The following CSPP1 variants were observed in gnomAD, a reference collection of about 807,000 sequenced individuals.
CSPP1 encodes the protein centrosome and spindle pole-associated protein 1.
In CSPP1, 126 loss-of-function variants were observed where a neutral mutation model predicts 164.4. The observed-to-expected ratio is 0.77, with a 90% CI of 0.66 to 0.89. CSPP1 has a LOEUF of 0.89. Among genes scored for constraint, CSPP1 ranks in the 40% least tolerant of loss-of-function variants. CSPP1 has a pLI of 0.00. For missense variants in CSPP1, 1,395 were observed against 1,449.8 expected (o/e 0.96, Z 0.61); for synonymous variants, 472 against 476.7 (o/e 0.99, Z 0.13).
chr8:67,131,211 G>A (rs1401312175), intron 15 of CSPP1, among the ~76,000 whole-genome samples: 5 of 152,028 alleles, frequency 3.3e-5, no homozygotes, highest in Non-Finnish European at 5.9e-5. Context: ...CCTGGGCAAC[G>A]TAGAAAGACT....
intron 3 of CSPP1, among the ~76,000 whole-genome samples, chr8:67,077,274 C>T (rs1375786159): frequency 6.6e-6 from 1 of 151,960 alleles, no homozygotes; most frequent in Middle Eastern, 3.2e-3. Context: ...CTGCCTTGGC[C>T]TCCCAAAGTA....
At chr8:67,107,052 T>G (rs184260676) in intron 9 of CSPP1, among the ~76,000 whole-genome samples, 89 of 152,136 alleles carry the variant, frequency 5.9e-4, no homozygotes, top group Middle Eastern at 6.8e-3. Context: ...GTTTTGTTTT[T>G]TTTTTTTAAT....
At position 67,098,292 on chromosome 8, in the gene CSPP1, C is replaced by CT. The variant is rs201067321; in HGVS notation, c.923+2574dup. 7.5e-3 allele frequency among the ~76,000 whole-genome samples: 1,002 copies of CT among 134,150 alleles called. 12 individuals are homozygous for CT. The highest frequency in any genetic ancestry group is 0.024 in the African/African-American group (882 of 36,940). 88.0% of individuals were successfully genotyped at this position (134,150 alleles called of 152,430 possible). A position where few individuals can be genotyped will look rare whatever the true frequency, so the allele number is the denominator to read the frequency against. ...TTCATTCTTCTAAGTTTTCTTTGGT[C>CT]TTTTTTTTTTTTTTCCTTTCCTAAA... On this transcript the variant is annotated intron_variant, in intron 7 of 30. Coordinates refer to ENST00000678616, the MANE Select transcript of CSPP1 (RefSeq NM_001382391.1).
At chr8:67,192,627 A>C (rs1836690222) in intron 29 of CSPP1, among the ~76,000 whole-genome samples, 1 of 152,072 alleles carries the variant, frequency 6.6e-6, no homozygotes, top group African/African-American at 2.4e-5. Context: ...ATGAAGATTT[A>C]CTTGTTTTCT....
In CSPP1 at chr8:67,111,993, T is replaced by C. The variant is rs1445583372; in HGVS notation, c.1115T>C (p.Ile372Thr). The C allele has an allele frequency of 3.1e-6, 5 of 1,610,438 alleles. No homozygotes were observed. Among genetic ancestry groups the C allele is most frequent in the Admixed American group, 1.7e-5 (1 of 59,560 alleles). The change falls in exon 10 of 31, where the codon ATT becomes ACT. Residue 372 changes from isoleucine to threonine, a missense_variant. Physicochemically the swap from Ile to Thr is moderately conservative, Grantham distance 89. Coordinates refer to ENST00000678616, the MANE Select transcript of CSPP1 (RefSeq NM_001382391.1). ...MLFGGEDREL[I>T]QRRKEKYRLE... ...CTAGGAGGTGAAGATCGAGAACTTA[T>C]TCAGAGAAGGAAAGAGAAATACAGA...
At chr8:67,159,173 G>C in intron 21 of CSPP1, 36 bp downstream of exon 21, 2 of 1,566,460 alleles carry the variant, frequency 1.3e-6, no homozygotes, top group Non-Finnish European at 1.7e-6. Flanking sequence ...CAAACCCATA[G>C]TTTAACTCAC....
At chr8:67,181,813 A>G (rs1341611365) in intron 28 of CSPP1, among the ~76,000 whole-genome samples, 1 of 152,128 alleles carries the variant, frequency 6.6e-6, no homozygotes. Flanking sequence ...CTTCATATGA[A>G]ACAGTAATTC....
chr8:67,159,902 T>C (rs1411342389), intron 21 of CSPP1, among the ~76,000 whole-genome samples: 8 of 69,582 alleles, frequency 1.1e-4, no homozygotes, highest in Non-Finnish European at 1.6e-4. Context: ...CTTTCTTTCT[T>C]TCTTTCTTTC....
chr8:67,182,553 G>A (rs754508971), intron 28 of CSPP1, among the ~76,000 whole-genome samples: 1 of 152,190 alleles, frequency 6.6e-6, no homozygotes, highest in Non-Finnish European at 1.5e-5. Flanking sequence ...ATTATTTGAA[G>A]ACTCACCACA....
rs761971816 is a variant in CSPP1 at position 67,172,473 on chromosome 8, T to A, written c.2886T>A (p.Ala962=). The A allele has an allele frequency of 4.6e-5, 75 of 1,613,184 alleles. No individual in the cohort carries two copies. Among genetic ancestry groups the A allele is most frequent in the Non-Finnish European group, 6.2e-5 (73 of 1,179,270 alleles). ...ATATGGCTAGACATCGGTTGCAAGC[T>A]CCTGTCAGAAGACAGTCCCCTAAGG... is the stretch of plus-strand genomic sequence containing the variant. The part of the protein sequence containing the change: ...IFDMARHRLQ[A]PVRRQSPKGL... Residue 962 remains alanine, a synonymous_variant, in exon 25 of 31, where the codon GCT becomes GCA. Coordinates refer to ENST00000678616, the MANE Select transcript of CSPP1 (RefSeq NM_001382391.1).
intron 16 of CSPP1, chr8:67,134,252 C>T (rs550467323): frequency 3.0e-4 from 45 of 152,288 alleles, no homozygotes; most frequent in African/African-American, 9.4e-4. Flanking sequence ...CTTTATGAAA[C>T]GTATTTCCTG....
At chr8:67,073,802 G>A (rs1164519383) in intron 1 of CSPP1, among the ~76,000 whole-genome samples, 1 of 152,134 alleles carries the variant, frequency 6.6e-6, no homozygotes, top group African/African-American at 2.4e-5. Context: ...ACAAGCAAAG[G>A]ATGAAGCAAG....
intron 5 of CSPP1, among the ~76,000 whole-genome samples, chr8:67,092,343 CCT>C (rs1261204394): frequency 6.6e-6 from 1 of 152,104 alleles, no homozygotes; most frequent in Non-Finnish European, 1.5e-5. Flanking sequence ...GCACTGTACA[CCT>C]CTTGTAGTGA....
chr8:67,159,924 C>CTTTCT (rs1420951665), intron 21 of CSPP1, among the ~76,000 whole-genome samples: 1 of 45,572 alleles, frequency 2.2e-5, no homozygotes, highest in Non-Finnish European at 3.9e-5. Context: ...TTCTTTCTTT[C>CTTTCT]CTTTCCTTCC....
In CSPP1 at chr8:67,190,761, T is replaced by A. The variant is rs527372531; in HGVS notation, c.3330+2T>A. ...AACAAATGGAAAGGACTAGACATTGTATGTATGAGACTTTTCTCCCCCTTT... is the reference window on the plus strand; with the variant it reads ...AACAAATGGAAAGGACTAGACATTGAATGTATGAGACTTTTCTCCCCCTTT... On this transcript the variant is annotated splice_donor_variant, in intron 29 of 30. Coordinates refer to ENST00000678616, the MANE Select transcript of CSPP1 (RefSeq NM_001382391.1). LOFTEE classifies it high-confidence loss of function. 1 of 1,592,982 alleles carries A rather than the reference T, an allele frequency of 6.3e-7. No homozygotes were observed. The highest frequency in any genetic ancestry group is 1.7e-4 in the Middle Eastern group (1 of 6,026).
At chr8:67,181,736 T>A (rs953690049) in intron 28 of CSPP1, among the ~76,000 whole-genome samples, 8 of 152,188 alleles carry the variant, frequency 5.3e-5, no homozygotes, top group Non-Finnish European at 1.2e-4. Flanking sequence ...TTGACTGGCA[T>A]TAAGTATTTC....
chr8:67,164,506 C>T lies in CSPP1; in HGVS notation c.2826C>T (p.Ile942=). Residue 942 remains isoleucine (I), a splice_region_variant and synonymous_variant, in exon 24 of 31, where the codon ATC becomes ATT. Transcript: ENST00000678616. ...TGGACAGTGATGATGAAATTCCTATCAGGCAAGTTTAGAATTGCAGTTTTT... is the reference window on the plus strand; with the variant it reads ...TGGACAGTGATGATGAAATTCCTATTAGGCAAGTTTAGAATTGCAGTTTTT... ...LHMDSDDEIP[I]RKKERNPMDI... is the part of the protein sequence containing the mutation. The T allele has an allele frequency of 2.7e-6, 4 of 1,476,992 alleles. No homozygotes were observed. Among genetic ancestry groups the T allele is most frequent in the Non-Finnish European group, 3.8e-6 (4 of 1,058,442 alleles). The allele number at this position is 1,476,992 out of a possible 1,614,324, so 91.5% of individuals were successfully genotyped here.
chr8:67,176,027 G>A, intron 26 of CSPP1, among the ~76,000 whole-genome samples: 1 of 150,570 alleles, frequency 6.6e-6, no homozygotes, highest in East Asian at 2.0e-4. Flanking sequence ...GAAGTGTGAT[G>A]CTAAAGAAGT....
At chr8:67,079,854 T>G (rs982188803) in intron 3 of CSPP1, among the ~76,000 whole-genome samples, 4 of 152,224 alleles carry the variant, frequency 2.6e-5, no homozygotes, top group Admixed American at 2.6e-4. Context: ...CCTAGCACAG[T>G]GCGCAGCACT....
Sources: gnomAD v4.1 joint callset for allele counts (sites outside exome capture counted in the v4.1 genomes callset) on GRCh38, gnomAD v4.1.1 for gene constraint, MANE v1.5 for transcripts, NCBI Gene and HGNC (gene_info 2026-07-23, HGNC 2026-07-21) for gene names.